The following DLG2 variants were observed in gnomAD, a reference collection of about 807,000 sequenced individuals.
The protein encoded by DLG2 is disks large homolog 2.
A neutral mutation model predicts 132.5 loss-of-function variants in DLG2; 45 were observed. The observed-to-expected ratio is 0.34, with a 90% confidence interval of 0.27 to 0.44. DLG2 has a LOEUF of 0.44. Ranked by LOEUF, DLG2 falls within the 20% of genes least tolerant of loss-of-function variation. DLG2 has a pLI of 1.00. For synonymous variants in DLG2, 424 were observed against 419.6 expected, an observed-to-expected ratio of 1.01 and a Z score of -0.13; for missense variants, 1,045 against 1,196.9, an observed-to-expected ratio of 0.87 and a Z score of 1.87.
intron 6 of DLG2, among the ~76,000 whole-genome samples, chr11:84,572,964 T>C (rs1161027424): frequency 6.6e-6 from 1 of 152,162 alleles, no homozygotes; most frequent in East Asian, 1.9e-4. Context: ...AAGTTCTTTG[T>C]TTCTGACCCA....
intron 6 of DLG2, among the ~76,000 whole-genome samples, chr11:85,036,241 C>G (rs1429614275): frequency 6.6e-6 from 1 of 152,204 alleles, no homozygotes; most frequent in Non-Finnish European, 1.5e-5. Context: ...GATTATACCA[C>G]TTAAAATTAC....
intron 6 of DLG2, among the ~76,000 whole-genome samples, chr11:85,032,989 A>T (rs1451914270): frequency 2.6e-5 from 4 of 152,204 alleles, no homozygotes; most frequent in Non-Finnish European, 5.9e-5. Flanking sequence ...AACGTCCTAA[A>T]CTTTATACAT....
chr11:84,110,696 A>G (rs948574382), intron 9 of DLG2, among the ~76,000 whole-genome samples: 3 of 152,188 alleles, frequency 2.0e-5, no homozygotes, highest in African/African-American at 7.2e-5. Context: ...ATGCAGCACT[A>G]GGTCACTGGC....
At chr11:84,193,352 A>C (rs1041257390) in intron 8 of DLG2, among the ~76,000 whole-genome samples, 8 of 152,204 alleles carry the variant, frequency 5.3e-5, no homozygotes, top group African/African-American at 1.4e-4. Flanking sequence ...TTAAACTAAC[A>C]CATAAGCAGG....
At chr11:85,258,527 T>C (rs1169453826) in intron 4 of DLG2, among the ~76,000 whole-genome samples, 1 of 152,238 alleles carries the variant, frequency 6.6e-6, no homozygotes, top group Admixed American at 6.5e-5. Context: ...TGGTTTAGCA[T>C]AATGCATTTC....
At chr11:85,610,269 C>T (rs1487433661) in intron 2 of DLG2, among the ~76,000 whole-genome samples, 3 of 152,194 alleles carry the variant, frequency 2.0e-5, no homozygotes. Flanking sequence ...CACCCCAATT[C>T]TAGGAGTACA....
At chr11:83,483,326 T>C in intron 22 of DLG2, 5 of 1,597,448 alleles carry the variant, frequency 3.1e-6, no homozygotes, top group Non-Finnish European at 2.6e-6. Context: ...GAGAGAGCAA[T>C]GAGAGAGGAA....
chr11:84,849,812 T>A (rs1177835592), intron 6 of DLG2, among the ~76,000 whole-genome samples: 1 of 152,162 alleles, frequency 6.6e-6, no homozygotes, highest in Non-Finnish European at 1.5e-5. Flanking sequence ...TCAAAAGACC[T>A]ATGACATTAT....
At chr11:84,951,603 C>CATATATATACACATATATATGCATTCTAT (rs1289703832) in intron 6 of DLG2, among the ~76,000 whole-genome samples, 29 of 149,624 alleles carry the variant, frequency 1.9e-4, no homozygotes, top group African/African-American at 6.4e-4. Flanking sequence ...TATATATACA[C>CATATATATACACATATATATGCATTCTAT]ATATATATAC....
At chr11:84,687,542 C>A (rs555389703) in intron 6 of DLG2, among the ~76,000 whole-genome samples, 1 of 152,208 alleles carries the variant, frequency 6.6e-6, no homozygotes, top group South Asian at 2.1e-4. Context: ...GTCTTTCCTC[C>A]AGTCTATGCT....
intron 8 of DLG2, among the ~76,000 whole-genome samples, chr11:84,169,206 A>T (rs1296778067): frequency 6.6e-6 from 1 of 152,230 alleles, no homozygotes; most frequent in Non-Finnish European, 1.5e-5. Context: ...ATCTTAAGTG[A>T]TTAAAGAAAT....
chr11:85,502,912 G>T (rs1194723913), intron 3 of DLG2, among the ~76,000 whole-genome samples: 1 of 151,962 alleles, frequency 6.6e-6, no homozygotes, highest in Non-Finnish European at 1.5e-5. Flanking sequence ...AGCAAAGGCT[G>T]GAAACAACCC....
At chr11:84,599,114 G>A (rs1000114476) in intron 6 of DLG2, among the ~76,000 whole-genome samples, 8 of 152,178 alleles carry the variant, frequency 5.3e-5, no homozygotes, top group Admixed American at 2.6e-4. Context: ...GCATGATGGT[G>A]CATGCCTGTA....
chr11:85,172,922 G>A (rs1364197188), intron 4 of DLG2, among the ~76,000 whole-genome samples: 1 of 152,058 alleles, frequency 6.6e-6, no homozygotes, highest in East Asian at 1.9e-4. Flanking sequence ...AAAATAGAGA[G>A]TAAAGAATGA....
intron 12 of DLG2, among the ~76,000 whole-genome samples, chr11:83,975,196 A>G (rs536655432): frequency 6.6e-6 from 1 of 152,160 alleles, no homozygotes; most frequent in South Asian, 2.1e-4. Flanking sequence ...TAAAGCCAAT[A>G]TGTGAAAATA....
intron 7 of DLG2, among the ~76,000 whole-genome samples, chr11:84,488,554 T>C (rs960090352): frequency 3.3e-5 from 5 of 152,122 alleles, no homozygotes; most frequent in African/African-American, 1.2e-4. Flanking sequence ...CTATTTAAAC[T>C]GCTCTCTTAT....
chr11:83,463,752 C>T (rs1387279644), intron 26 of DLG2, among the ~76,000 whole-genome samples: 1 of 152,220 alleles, frequency 6.6e-6, no homozygotes, highest in Non-Finnish European at 1.5e-5. Flanking sequence ...GATGGCACCA[C>T]TACACTCCAG....
intron 6 of DLG2, among the ~76,000 whole-genome samples, chr11:84,607,034 T>A (rs982247442): frequency 3.3e-5 from 5 of 152,134 alleles, no homozygotes; most frequent in Non-Finnish European, 7.4e-5. Flanking sequence ...TCCAAGGTCA[T>A]CAAGAGCAGG....
intron 24 of DLG2, 27 bp downstream of exon 24, chr11:83,471,599 C>T (rs761135898): frequency 3.9e-6 from 6 of 1,544,306 alleles, no homozygotes; most frequent in Middle Eastern, 1.7e-4. Context: ...TTTTGTTTTT[C>T]CTAGAGGAAA....
Sources: allele counts gnomAD v4.1 joint callset (sites outside exome capture counted in the v4.1 genomes callset), GRCh38; gene constraint gnomAD v4.1.1; transcripts MANE v1.5; gene names NCBI Gene and HGNC (gene_info 2026-07-23, HGNC 2026-07-21).